The following SPAG16 variants were observed in gnomAD, a reference collection of about 807,000 sequenced individuals.
The protein encoded by SPAG16 is sperm-associated antigen 16 protein.
SPAG16 carries 86 observed loss-of-function variants against 80.4 expected under a neutral mutation model. The observed-to-expected ratio is 1.07, with a 90% CI of 0.90 to 1.28. The LOEUF (loss-of-function observed/expected upper bound fraction) is 1.28. Ranked by LOEUF, SPAG16 falls within the 50% of genes most tolerant of loss-of-function variation. SPAG16 has a pLI of 0.00. For missense variants in SPAG16, 870 were observed against 765.3 expected (o/e 1.14, Z -1.61); for synonymous variants, 294 against 265.9 (o/e 1.11, Z -1.03).
intron 15 of SPAG16, among the ~76,000 whole-genome samples, chr2:214,250,725 A>C (rs935546282): frequency 4.1e-4 from 54 of 132,786 alleles, no homozygotes; most frequent in Non-Finnish European, 5.7e-4. Flanking sequence ...TTTCTAAAGG[A>C]GCTTTGAGAT....
chr2:214,067,908 A>G (rs1426858900), intron 13 of SPAG16, among the ~76,000 whole-genome samples: 1 of 152,196 alleles, frequency 6.6e-6, no homozygotes, highest in Non-Finnish European at 1.5e-5. Context: ...TTCAGTGATT[A>G]GAGACATAAA....
intron 11 of SPAG16, among the ~76,000 whole-genome samples, chr2:213,915,008 G>A (rs1236661459): frequency 6.6e-6 from 1 of 152,124 alleles, no homozygotes; most frequent in African/African-American, 2.4e-5. Context: ...GAGGTTTAAT[G>A]ACTCACAGTT....
chr2:213,944,678 G>C (rs1356535287), intron 12 of SPAG16, among the ~76,000 whole-genome samples: 1 of 152,114 alleles, frequency 6.6e-6, no homozygotes. Context: ...ATTGTGGGGG[G>C]CTGGGAATGG....
Position 213,313,681 on chromosome 2 carries a change from C to T in SPAG16, c.398+3504C>T, listed in dbSNP as rs558382202. Among the ~76,000 whole-genome samples the T allele has an allele frequency of 1.1e-3, 174 of 151,896 alleles. 1 individual carries two copies. The highest frequency in any genetic ancestry group is 5.3e-4 in the Non-Finnish European group (36 of 67,824). On this transcript the variant is annotated intron_variant, in intron 4 of 15. Transcript: ENST00000331683. ...GCTTGGCTGGATACTAAAAGGACTTCAGAAAATATTAATTTAGAATTCAAA... is the reference window on the plus strand; with the variant it reads ...GCTTGGCTGGATACTAAAAGGACTTTAGAAAATATTAATTTAGAATTCAAA...
chr2:213,939,554 CCTT>C (rs2079116635), intron 12 of SPAG16, among the ~76,000 whole-genome samples: 1 of 152,124 alleles, frequency 6.6e-6, no homozygotes, highest in African/African-American at 2.4e-5. Flanking sequence ...TGGTGCCAAG[CCTT>C]CTTATCTTTA....
At chr2:214,408,739 C>G (rs1446139968) in intron 15 of SPAG16, among the ~76,000 whole-genome samples, 1 of 152,086 alleles carries the variant, frequency 6.6e-6, no homozygotes, top group African/African-American at 2.4e-5. Flanking sequence ...TCATTGATAA[C>G]AATGCTATGC....
intron 12 of SPAG16, among the ~76,000 whole-genome samples, chr2:213,980,914 A>G (rs184260282): frequency 9.2e-5 from 14 of 151,920 alleles, no homozygotes; most frequent in Admixed American, 1.3e-4. Context: ...GTCTCAAAAA[A>G]AAAGAATAAG....
chr2:213,603,969 G>A (rs1273035172), intron 10 of SPAG16, among the ~76,000 whole-genome samples: 3 of 151,366 alleles, frequency 2.0e-5, no homozygotes, highest in Non-Finnish European at 4.4e-5. Context: ...AGTTGGCCAG[G>A]CTGAAGAGCA....
intron 15 of SPAG16, among the ~76,000 whole-genome samples, chr2:214,183,453 C>T (rs1030286345): frequency 6.6e-6 from 1 of 151,978 alleles, no homozygotes; most frequent in Non-Finnish European, 1.5e-5. Context: ...GCAAGTCTCT[C>T]GGCCCTTTTA....
At chr2:214,051,703 T>C (rs1256125382) in intron 13 of SPAG16, among the ~76,000 whole-genome samples, 1 of 152,182 alleles carries the variant, frequency 6.6e-6, no homozygotes, top group Admixed American at 6.6e-5. Flanking sequence ...TTCAGATAGA[T>C]GCAGTTTAAC....
chr2:214,146,923 A>T (rs997670253), intron 14 of SPAG16, among the ~76,000 whole-genome samples: 3 of 151,304 alleles, frequency 2.0e-5, no homozygotes, highest in Non-Finnish European at 2.9e-5. Context: ...AATGGCGTTA[A>T]CCCGGGAGAC....
At chr2:213,820,706 G>A (rs1400587654) in intron 10 of SPAG16, among the ~76,000 whole-genome samples, 3 of 151,856 alleles carry the variant, frequency 2.0e-5, no homozygotes, top group Non-Finnish European at 4.4e-5. Flanking sequence ...TATCCCATCA[G>A]AGATATATAG....
chr2:213,679,277 C>A (rs1033476881), intron 10 of SPAG16, among the ~76,000 whole-genome samples: 3 of 152,178 alleles, frequency 2.0e-5, no homozygotes, highest in African/African-American at 7.2e-5. Flanking sequence ...TTTTTACTTA[C>A]AATTTCTTTT....
chr2:213,859,315 G>A (rs766896993), intron 10 of SPAG16, among the ~76,000 whole-genome samples: 2 of 146,706 alleles, frequency 1.4e-5, no homozygotes, highest in Non-Finnish European at 3.0e-5. Flanking sequence ...AGTGCAGCAT[G>A]TACATCTGCA....
At chr2:213,903,809 C>A (rs1240411964) in intron 11 of SPAG16, among the ~76,000 whole-genome samples, 1 of 152,166 alleles carries the variant, frequency 6.6e-6, no homozygotes, top group Non-Finnish European at 1.5e-5. Flanking sequence ...TAACAGCACC[C>A]AAGTCACCTG....
chr2:213,940,046 C>G (rs2079135335), intron 12 of SPAG16, among the ~76,000 whole-genome samples: 1 of 152,058 alleles, frequency 6.6e-6, no homozygotes. Flanking sequence ...AAGGCATACA[C>G]CTACTGTTGA....
intron 13 of SPAG16, among the ~76,000 whole-genome samples, chr2:214,062,111 A>T (rs2050294576): frequency 6.6e-6 from 1 of 151,954 alleles, no homozygotes; most frequent in Non-Finnish European, 1.5e-5. Flanking sequence ...TAGACATCTT[A>T]AAGTTACATC....
At position 213,771,539 on chromosome 2, in the gene SPAG16, C is replaced by T. The variant is rs568945958; in HGVS notation, c.1071-90946C>T. On this transcript the variant is annotated intron_variant, in intron 10 of 15. Coordinates refer to ENST00000331683, the MANE Select transcript of SPAG16 (RefSeq NM_024532.5). ...TAAAATCTTTGCCCATGCCTATATC[C>T]TGAAAGGTATTGCCTAGATTTTCTT... is the stretch of plus-strand genomic sequence containing the variant. 2.6e-5 allele frequency among the ~76,000 whole-genome samples: 4 copies of T among 152,184 alleles called. No individual in the cohort carries two copies. In the South Asian group the frequency reaches 8.3e-4, roughly 32 times the overall value.
intron 9 of SPAG16, among the ~76,000 whole-genome samples, chr2:213,442,030 CCCAGCTA>C (rs2071000530): frequency 6.6e-6 from 1 of 152,172 alleles, no homozygotes; most frequent in Non-Finnish European, 1.5e-5. Context: ...TGCCTATAAT[CCCAGCTA>C]CTCGGGAGGT....
Sources: gnomAD v4.1 joint callset for allele counts (sites outside exome capture counted in the v4.1 genomes callset) on GRCh38, gnomAD v4.1.1 for gene constraint, MANE v1.5 for transcripts, NCBI Gene and HGNC (gene_info 2026-07-23, HGNC 2026-07-21) for gene names.